Variants in SLC14A2 observed in about 807,000 individuals in gnomAD.
The protein encoded by SLC14A2 is urea transporter 2.
In SLC14A2, 91 loss-of-function variants were observed where a neutral mutation model predicts 104.6. The ratio of observed to expected loss-of-function variants is 0.87; its 90% CI spans 0.73 to 1.04. The LOEUF is 1.04. Ranked by LOEUF, SLC14A2 falls within the 50% of genes least tolerant of loss-of-function variation. The probability of loss-of-function intolerance (pLI) is 0.00; values close to 1 mark genes in which losing one functional copy is unlikely to be tolerated. For synonymous variants in SLC14A2, 476 were observed against 466.4 expected, an observed-to-expected ratio of 1.02 and a Z score of -0.27; for missense variants, 1,189 against 1,156.0, an observed-to-expected ratio of 1.03 and a Z score of -0.41.
chr18:45,187,039 A>G, the SLC14A2 span, among the ~76,000 whole-genome samples: 2 of 152,170 alleles, frequency 1.3e-5, no homozygotes, highest in Admixed American at 1.3e-4. Context: ...GATGGTTTTC[A>G]GAAATTACTG....
chr18:45,552,250 C>T (rs956315622), intron 2 of SLC14A2, among the ~76,000 whole-genome samples: 1 of 152,162 alleles, frequency 6.6e-6, no homozygotes, highest in African/African-American at 2.4e-5. Context: ...GGGACATGCT[C>T]CATGTGATAG....
chr18:45,209,235 C>T (rs1248985091), upstream of SLC14A2, among the ~76,000 whole-genome samples: 1 of 149,912 alleles, frequency 6.7e-6, no homozygotes, highest in Non-Finnish European at 1.5e-5. Context: ...CCTAGCTACT[C>T]GGGAGGCTGA....
At chr18:45,252,066 T>C (rs1443129794) in intron 1 of SLC14A2, among the ~76,000 whole-genome samples, 1 of 152,200 alleles carries the variant, frequency 6.6e-6, no homozygotes, top group Non-Finnish European at 1.5e-5. Context: ...GAAAGCTATT[T>C]CTGCAATAGA....
At chr18:45,594,777 C>G (rs750808760) in intron 2 of SLC14A2, among the ~76,000 whole-genome samples, 12 of 152,178 alleles carry the variant, frequency 7.9e-5, no homozygotes, top group Non-Finnish European at 1.2e-4. Flanking sequence ...CAAGTCAGAA[C>G]TCTAGAGCCT....
intron 8 of SLC14A2, among the ~76,000 whole-genome samples, chr18:45,641,651 A>G (rs1414786816): frequency 6.6e-6 from 1 of 152,208 alleles, no homozygotes; most frequent in Admixed American, 6.5e-5. Flanking sequence ...TCATTCAACA[A>G]CTGTTTATAC....
At chr18:45,654,924 T>G (rs1196950437) in intron 10 of SLC14A2, among the ~76,000 whole-genome samples, 3 of 152,168 alleles carry the variant, frequency 2.0e-5, no homozygotes, top group African/African-American at 7.2e-5. Context: ...CTGTGCTGAG[T>G]TGGGCCTCTG....
chr18:45,533,798 T>C lies in SLC14A2; in HGVS notation c.-35+50476T>C, dbSNP rs559516510. On this transcript the variant is annotated intron_variant, in intron 2 of 20. Transcript: ENST00000586448. ...TCTTTTAATTGTGATGTTAGGGTGT[T>C]AGTTTTAGATCTTTCCTGCTTTCTC... is the stretch of plus-strand genomic sequence containing the variant. Among the ~76,000 whole-genome samples, 6 of 152,226 alleles carry C rather than the reference T, an allele frequency of 3.9e-5. No individual in the cohort carries two copies. The East Asian group carries it at 1.2e-3, about 29-fold the overall frequency.
At chr18:45,641,036 A>G (rs2045518572) in intron 7 of SLC14A2, among the ~76,000 whole-genome samples, 173 bp from the exon 8 acceptor site, 1 of 152,162 alleles carries the variant, frequency 6.6e-6, no homozygotes, top group African/African-American at 2.4e-5. Flanking sequence ...TTCTCTTTTC[A>G]TTGAAGGTCT....
At chr18:45,476,155 G>C (rs144941582) in intron 1 of SLC14A2, among the ~76,000 whole-genome samples, 34 of 152,258 alleles carry the variant, frequency 2.2e-4, no homozygotes, top group African/African-American at 7.7e-4. Flanking sequence ...TCCTTCAGGA[G>C]CTCTTGTAAG....
chr18:45,291,097 C>T (rs1324977565), intron 1 of SLC14A2, among the ~76,000 whole-genome samples: 2 of 152,254 alleles, frequency 1.3e-5, no homozygotes, highest in African/African-American at 4.8e-5. Flanking sequence ...GACATGAAAA[C>T]CACAGTTCCT....
At chr18:45,485,256 T>C (rs1371675582) in intron 2 of SLC14A2, 1 of 152,216 alleles carries the variant, frequency 6.6e-6, no homozygotes, top group African/African-American at 2.4e-5. Flanking sequence ...AAGTCAAAAT[T>C]GTATTACTAC....
chr18:45,629,487 G>A (rs2045311923), intron 4 of SLC14A2, among the ~76,000 whole-genome samples: 1 of 152,132 alleles, frequency 6.6e-6, no homozygotes, highest in Non-Finnish European at 1.5e-5. Flanking sequence ...ATGCCTCACT[G>A]CTTCATCATT....
At chr18:45,415,057 T>G (rs779825215) in intron 1 of SLC14A2, among the ~76,000 whole-genome samples, 9 of 151,990 alleles carry the variant, frequency 5.9e-5, no homozygotes, top group Non-Finnish European at 1.3e-4. Flanking sequence ...ATTTTAGACA[T>G]GCTGGAAAAT....
intron 2 of SLC14A2, among the ~76,000 whole-genome samples, chr18:45,514,111 T>A (rs1354394744): frequency 1.3e-5 from 2 of 152,198 alleles, no homozygotes; most frequent in Non-Finnish European, 2.9e-5. Context: ...ATGGAAGTTG[T>A]ATTAGGCCAT....
chr18:45,259,958 T>C (rs562984413), intron 1 of SLC14A2, among the ~76,000 whole-genome samples: 1 of 152,216 alleles, frequency 6.6e-6, no homozygotes, highest in East Asian at 1.9e-4. Flanking sequence ...ATGGTGCTAA[T>C]GGAATGATTT....
intron 1 of SLC14A2, among the ~76,000 whole-genome samples, chr18:45,243,594 T>G (rs11663434): frequency 0.11 from 16,606 of 152,198 alleles, 1,029 homozygotes; most frequent in East Asian, 0.17. Flanking sequence ...GAGAAAAGTT[T>G]CCAAACAAGA....
At chr18:45,638,892 C>G (rs905995012) in intron 6 of SLC14A2, among the ~76,000 whole-genome samples, 7 of 152,190 alleles carry the variant, frequency 4.6e-5, no homozygotes, top group Middle Eastern at 3.2e-3. Context: ...ACTCCCAGGC[C>G]AGTGCTCTGC....
chr18:45,182,978 T>C, the SLC14A2 span, among the ~76,000 whole-genome samples: 2 of 152,190 alleles, frequency 1.3e-5, no homozygotes, highest in East Asian at 1.9e-4. Context: ...CAGTACCGTA[T>C]TGGTGCTAGA....
chr18:45,404,184 A>G (rs894303283), intron 1 of SLC14A2, among the ~76,000 whole-genome samples: 1 of 152,164 alleles, frequency 6.6e-6, no homozygotes, highest in Non-Finnish European at 1.5e-5. Context: ...ATGTGTCCAT[A>G]AACTTGTCTG....
Sources: allele counts gnomAD v4.1 joint callset (sites outside exome capture counted in the v4.1 genomes callset), GRCh38; gene constraint gnomAD v4.1.1; transcripts MANE v1.5; gene names NCBI Gene and HGNC (gene_info 2026-07-23, HGNC 2026-07-21).